The following SOX6 variants were observed in gnomAD, a reference collection of about 807,000 sequenced individuals.
SOX6 encodes SRY-box transcription factor 6, also known as transcription factor SOX-6.
In SOX6, 11 loss-of-function variants were observed where a neutral mutation model predicts 97.8. The observed-to-expected ratio is 0.11, with a 90% CI of 0.07 to 0.19. The LOEUF (loss-of-function observed/expected upper bound fraction) is 0.19. Ranked by LOEUF, SOX6 falls within the 10% of genes least tolerant of loss-of-function variation. The probability of loss-of-function intolerance (pLI) is 1.00; values close to 1 mark genes in which losing one functional copy is unlikely to be tolerated. For synonymous variants in SOX6, 360 were observed against 371.4 expected (o/e 0.97, Z 0.35); for missense variants, 810 against 1,039.5 (o/e 0.78, Z 3.04).
At chr11:16,090,425 T>A (rs1373961283) in intron 9 of SOX6, among the ~76,000 whole-genome samples, 6 of 152,086 alleles carry the variant, frequency 3.9e-5, no homozygotes, top group Admixed American at 3.9e-4. Context: ...GGGTATAAAC[T>A]TCTGCTTCAC....
intron 6 of SOX6, among the ~76,000 whole-genome samples, chr11:16,141,591 G>C (rs547091742): frequency 1.3e-5 from 2 of 152,244 alleles, no homozygotes; most frequent in Admixed American, 1.3e-4. Flanking sequence ...AAAGCGCAAG[G>C]GGTCAGGGAA....
intron 6 of SOX6, among the ~76,000 whole-genome samples, chr11:16,118,215 A>G (rs1849400908): frequency 6.6e-6 from 1 of 152,348 alleles, no homozygotes; most frequent in African/African-American, 2.4e-5. Flanking sequence ...AGCTTAGTGT[A>G]TCATGAAAGG....
chr11:16,073,780 A>G (rs954706490), intron 9 of SOX6, among the ~76,000 whole-genome samples: 1 of 152,222 alleles, frequency 6.6e-6, no homozygotes, highest in Non-Finnish European at 1.5e-5. Flanking sequence ...AATCATTACT[A>G]GGAAAATCAC....
At chr11:16,294,599 A>G (rs1004305463) in intron 3 of SOX6, among the ~76,000 whole-genome samples, 2 of 152,122 alleles carry the variant, frequency 1.3e-5, no homozygotes, top group Admixed American at 6.6e-5. Context: ...CCAAATAAAT[A>G]TTTAAATGAA....
intron 4 of SOX6, among the ~76,000 whole-genome samples, chr11:16,586,094 C>T (rs1848090733): frequency 6.6e-6 from 1 of 152,102 alleles, no homozygotes; most frequent in Non-Finnish European, 1.5e-5. Context: ...GAAACGATTA[C>T]TAAGTGCTTA....
At chr11:16,307,585 A>T (rs1233634109) in intron 3 of SOX6, among the ~76,000 whole-genome samples, 1 of 152,228 alleles carries the variant, frequency 6.6e-6, no homozygotes, top group Non-Finnish European at 1.5e-5. Context: ...CTGGGGGATA[A>T]GCTAGAAAGC....
chr11:16,379,446 A>G (rs1228031160), intron 1 of SOX6, among the ~76,000 whole-genome samples: 2 of 152,216 alleles, frequency 1.3e-5, no homozygotes, highest in Admixed American at 1.3e-4. Context: ...AGCCTGAGCA[A>G]CAAGAGCAAA....
intron 4 of SOX6, among the ~76,000 whole-genome samples, chr11:16,515,079 G>A (rs1251925544): frequency 2.0e-5 from 3 of 150,452 alleles, no homozygotes; most frequent in South Asian, 4.2e-4. Context: ...GGATGGCTGG[G>A]TCAAATGGTA....
intron 2 of SOX6, among the ~76,000 whole-genome samples, chr11:16,333,129 C>A (rs1315991703): frequency 6.6e-6 from 1 of 152,074 alleles, no homozygotes; most frequent in African/African-American, 2.4e-5. Flanking sequence ...TTATGGAAAG[C>A]AACCCTTTCC....
At chr11:16,305,059 A>G (rs774302557) in intron 3 of SOX6, among the ~76,000 whole-genome samples, 5 of 152,178 alleles carry the variant, frequency 3.3e-5, no homozygotes, top group African/African-American at 4.8e-5. Context: ...ACAGTAAAAA[A>G]TTGTTCAGTT....
At chr11:16,675,274 C>T (rs1329793632) in intron 3 of SOX6, among the ~76,000 whole-genome samples, 1 of 152,166 alleles carries the variant, frequency 6.6e-6, no homozygotes, top group Non-Finnish European at 1.5e-5. Context: ...TTCAGCCTCC[C>T]ATGTAGCTGG....
At chr11:16,022,027 C>G (rs1855073589) in intron 12 of SOX6, among the ~76,000 whole-genome samples, 1 of 152,054 alleles carries the variant, frequency 6.6e-6, no homozygotes, top group South Asian at 2.1e-4. Context: ...AATAATAACT[C>G]TAGATTACCA....
At chr11:16,047,827 C>A (rs559997650) in intron 11 of SOX6, among the ~76,000 whole-genome samples, 8 of 151,762 alleles carry the variant, frequency 5.3e-5, no homozygotes, top group African/African-American at 1.9e-4. Context: ...AATGCATGTG[C>A]ATATGCATTT....
At chr11:16,199,453 A>G (rs1851875110) in intron 4 of SOX6, among the ~76,000 whole-genome samples, 1 of 152,206 alleles carries the variant, frequency 6.6e-6, no homozygotes, top group Admixed American at 6.5e-5. Context: ...GTTAGCTTGT[A>G]ATCAATAGAG....
chr11:16,132,433 G>GAA (rs1229559971), intron 6 of SOX6, among the ~76,000 whole-genome samples: 13 of 80,642 alleles, frequency 1.6e-4, no homozygotes, highest in African/African-American at 6.8e-4. Flanking sequence ...AAGAAAGAAA[G>GAA]AAAGAAAGAA....
intron 1 of SOX6, among the ~76,000 whole-genome samples, chr11:16,455,499 C>A (rs1019031656): frequency 6.6e-6 from 1 of 152,036 alleles, no homozygotes; most frequent in Non-Finnish European, 1.5e-5. Context: ...GTCATATCAA[C>A]CCGAAAGGGG....
At chr11:16,655,769 A>T (rs987454121) in intron 3 of SOX6, among the ~76,000 whole-genome samples, 9 of 152,120 alleles carry the variant, frequency 5.9e-5, no homozygotes, top group Non-Finnish European at 1.3e-4. Flanking sequence ...AGATGAAATC[A>T]ATAGTACTAG....
intron 10 of SOX6, 126 bp downstream of exon 10, chr11:16,055,626 G>T: frequency 3.7e-6 from 4 of 1,077,602 alleles, no homozygotes; most frequent in Non-Finnish European, 5.5e-6. Context: ...CCATAAAGAG[G>T]GACATTTTGG....
At chr11:16,113,004 A>G (rs1849266578) in intron 6 of SOX6, among the ~76,000 whole-genome samples, 1 of 152,196 alleles carries the variant, frequency 6.6e-6, no homozygotes, top group Non-Finnish European at 1.5e-5. Context: ...ACAAACCTTT[A>G]CCAGTAATTC....
Sources: allele counts gnomAD v4.1 joint callset (sites outside exome capture counted in the v4.1 genomes callset), GRCh38; gene constraint gnomAD v4.1.1; transcripts MANE v1.5; gene names NCBI Gene and HGNC (gene_info 2026-07-23, HGNC 2026-07-21).